TBK1: variants seen among roughly 807,000 people sequenced by gnomAD.
TBK1 encodes the protein TANK binding kinase 1.
Under a neutral mutation model 99.9 loss-of-function variants are expected in TBK1, and 37 were observed. The ratio of observed to expected loss-of-function variants is 0.37; its 90% CI spans 0.28 to 0.49. The LOEUF (loss-of-function observed/expected upper bound fraction) is 0.49, where lower values mean the gene tolerates loss of function less well. Among genes scored for constraint, TBK1 ranks in the 20% least tolerant of loss-of-function variants. The pLI is 0.98. For synonymous variants in TBK1, 258 were observed against 279.8 expected, an observed-to-expected ratio of 0.92 and a Z score of 0.78; for missense variants, 644 against 872.5, an observed-to-expected ratio of 0.74 and a Z score of 3.30.
chr12:64,477,534 A>G (rs1433231386), intron 6 of TBK1, among the ~76,000 whole-genome samples: 1 of 152,232 alleles, frequency 6.6e-6, no homozygotes, highest in Non-Finnish European at 1.5e-5. Flanking sequence ...ATTATTTATC[A>G]GGTCTAGGAG....
chr12:64,485,467 A>C lies in TBK1; in HGVS notation c.1202A>C (p.Lys401Thr), dbSNP rs1254085605. The change falls in exon 10 of 21, where the codon AAA (lysine) becomes ACA (threonine). Residue 401 changes from lysine to threonine, a missense_variant. Transcript: ENST00000331710. ...GLIYEKISLP[K>T]VHPRYDLDGD... ...CTTCATATTTCAGTTTCCCTCCCTA[A>C]AGTACATCCACGTTATGATTTAGAC... 1 of 1,557,504 alleles carries C rather than the reference A, an allele frequency of 6.4e-7. No individual in the cohort carries two copies. The highest frequency in any genetic ancestry group is 8.8e-7 in the Non-Finnish European group (1 of 1,142,072).
At chr12:64,487,741 G>A (rs181691411) in intron 11 of TBK1, among the ~76,000 whole-genome samples, 3 of 152,298 alleles carry the variant, frequency 2.0e-5, no homozygotes, top group Admixed American at 2.0e-4. Context: ...TAGACTTTGT[G>A]AGCTGCATAT....
chr12:64,499,057 T>TG (rs2040959971), intron 20 of TBK1, among the ~76,000 whole-genome samples: 1 of 141,546 alleles, frequency 7.1e-6, no homozygotes, highest in Non-Finnish European at 1.6e-5. Context: ...TTTTTTTTTT[T>TG]TCCCCCGAGA....
intron 7 of TBK1, among the ~76,000 whole-genome samples, 171 bp from the exon 8 acceptor site, chr12:64,481,671 A>C (rs2040769001): frequency 6.6e-6 from 1 of 152,214 alleles, no homozygotes; most frequent in African/African-American, 2.4e-5. Context: ...GAGTGGCATT[A>C]AATGAAGGTT....
At chr12:64,460,128 A>G (rs2136056568) in intron 2 of TBK1, 61 bp from the exon 3 acceptor site, 1 of 1,166,028 alleles carries the variant, frequency 8.6e-7, no homozygotes, top group South Asian at 2.2e-5. Flanking sequence ...TTCTAATGCT[A>G]CCTTTTAATC....
At chr12:64,460,533 T>TA (rs1391566365) in intron 3 of TBK1, among the ~76,000 whole-genome samples, 2 of 151,722 alleles carry the variant, frequency 1.3e-5, no homozygotes, top group East Asian at 3.9e-4. Flanking sequence ...GTGTAAGAAA[T>TA]AAAAGGGGGC....
At chr12:64,476,282 C>T (rs560286679) in intron 6 of TBK1, among the ~76,000 whole-genome samples, 4 of 151,492 alleles carry the variant, frequency 2.6e-5, no homozygotes, top group South Asian at 2.1e-4. Context: ...CTCAGCCTCC[C>T]GAGTAGCTGA....
At chr12:64,489,165 CAG>C (rs1239422662) in intron 12 of TBK1, among the ~76,000 whole-genome samples, 3 of 152,076 alleles carry the variant, frequency 2.0e-5, no homozygotes, top group African/African-American at 7.2e-5. Context: ...TCTTGTAAAA[CAG>C]AAACTGTGAA....
At chr12:64,454,840 CTAA>C (rs1054849552) in intron 1 of TBK1, among the ~76,000 whole-genome samples, 1 of 151,344 alleles carries the variant, frequency 6.6e-6, no homozygotes, top group African/African-American at 2.4e-5. Flanking sequence ...CCATGCCCGG[CTAA>C]TTTTTTTGTA....
intron 13 of TBK1, among the ~76,000 whole-genome samples, chr12:64,493,105 A>C (rs1422376875): frequency 6.6e-6 from 1 of 151,722 alleles, no homozygotes; most frequent in Non-Finnish European, 1.5e-5. Flanking sequence ...CGTATTAGCC[A>C]GGATGGTCTC....
intron 3 of TBK1, among the ~76,000 whole-genome samples, chr12:64,462,495 G>T (rs986488701): frequency 2.0e-5 from 3 of 151,852 alleles, no homozygotes; most frequent in South Asian, 2.1e-4. Flanking sequence ...AAGAAAATAC[G>T]CCAAAATATT....
At chr12:64,484,206 A>T (rs367823262) in intron 8 of TBK1, 97 bp from the exon 9 acceptor site, 13 of 765,242 alleles carry the variant, frequency 1.7e-5, no homozygotes, top group Non-Finnish European at 2.5e-5. Context: ...GATATTAGGG[A>T]TATGAATTAG....
intron 5 of TBK1, among the ~76,000 whole-genome samples, chr12:64,471,693 A>G (rs1358392541): frequency 6.6e-6 from 1 of 152,128 alleles, no homozygotes; most frequent in Non-Finnish European, 1.5e-5. Context: ...CATCTCAGTA[A>G]TATAATCCTG....
chr12:64,478,216 T>C (rs1264515372), intron 6 of TBK1, among the ~76,000 whole-genome samples: 2 of 152,220 alleles, frequency 1.3e-5, no homozygotes, highest in African/African-American at 4.8e-5. Context: ...GGTGGCCTGA[T>C]CTCAGCTCAC....
rs1364644005 is a variant in TBK1, at chr12:64,495,540, T to A, written c.1579T>A (p.Ser527Thr). ...TCTTCAGGATATCGACAGCAGATTATCTCCAGGTGGATCACTGGCAGACGC... is the reference window on the plus strand; with the variant it reads ...TCTTCAGGATATCGACAGCAGATTAACTCCAGGTGGATCACTGGCAGACGC... ...TSLQDIDSRLSPGGSLADAWA... is the reference protein window; with the variant it reads ...TSLQDIDSRLTPGGSLADAWA... The change falls in exon 14 of 21, where the codon TCT (serine) becomes ACT (threonine). Residue 527 changes from serine (S) to threonine (T), a missense_variant. Physicochemically the swap from Ser to Thr is moderately conservative, Grantham distance 58. Transcript: ENST00000331710. The A allele has an allele frequency of 3.1e-6, 5 of 1,613,980 alleles. No individual in the cohort carries two copies. The highest frequency in any genetic ancestry group is 4.2e-6 in the Non-Finnish European group (5 of 1,179,974).
Position 64,483,773 on chromosome 12 carries a change from G to A in TBK1, c.993-530G>A, listed in dbSNP as rs1329071677. On this transcript the variant is annotated intron_variant, in intron 8 of 20. Transcript: ENST00000331710. ...TGTAATCCCAGCACTTTGGGAGGCC[G>A]AGGCAGGTGTATCACTTGAGGCCAG... Among the ~76,000 whole-genome samples the A allele has an allele frequency of 2.0e-5, 3 of 152,236 alleles. No individual in the cohort carries two copies. The East Asian group carries it at 5.8e-4, about 29-fold the overall frequency.
intron 6 of TBK1, among the ~76,000 whole-genome samples, chr12:64,479,552 A>T (rs1346239783): frequency 3.9e-5 from 6 of 152,234 alleles, no homozygotes. Flanking sequence ...AGAATCTGAT[A>T]CTGTGCTCTA....
chr12:64,454,496 C>G (rs2040463125), intron 1 of TBK1, among the ~76,000 whole-genome samples: 1 of 152,120 alleles, frequency 6.6e-6, no homozygotes, highest in African/African-American at 2.4e-5. Context: ...ATCCGCCCGC[C>G]TCGGCCTCCC....
At chr12:64,454,449 A>G (rs2040462523) in intron 1 of TBK1, among the ~76,000 whole-genome samples, 2 of 151,478 alleles carry the variant, frequency 1.3e-5, no homozygotes, top group African/African-American at 4.8e-5. Context: ...GGGTTTCTCC[A>G]TATTGGCCAG....
Sources: gnomAD v4.1 joint callset for allele counts (sites outside exome capture counted in the v4.1 genomes callset) on GRCh38, gnomAD v4.1.1 for gene constraint, MANE v1.5 for transcripts, NCBI Gene and HGNC (gene_info 2026-07-23, HGNC 2026-07-21) for gene names.